Variants in HYDIN observed in about 807,000 individuals in gnomAD.
The protein encoded by HYDIN is axonemal central pair apparatus protein HYDIN.
Under a neutral mutation model 403.9 loss-of-function variants are expected in HYDIN, and 132 were observed. The ratio of observed to expected loss-of-function variants is 0.33; its 90% CI spans 0.28 to 0.38. The LOEUF (loss-of-function observed/expected upper bound fraction) is 0.38, where lower values mean the gene tolerates loss of function less well. HYDIN is among the 10% of genes least tolerant of loss of function. HYDIN has a pLI of 1.00. For missense variants in HYDIN, 2,827 were observed against 5,009.5 expected, an observed-to-expected ratio of 0.56 and a Z score of 13.15; for synonymous variants, 1,202 against 1,891.7, an observed-to-expected ratio of 0.64 and a Z score of 9.46.
intron 58 of HYDIN, among the ~76,000 whole-genome samples, chr16:70,887,842 C>G (rs1306446668): frequency 6.6e-6 from 1 of 151,650 alleles, no homozygotes; most frequent in African/African-American, 2.4e-5. Flanking sequence ...TGCCACCATG[C>G]CTGGCTATTT....
At chr16:71,093,055 C>T (rs1205977634) in intron 11 of HYDIN, among the ~76,000 whole-genome samples, 1 of 149,788 alleles carries the variant, frequency 6.7e-6, no homozygotes, top group Non-Finnish European at 1.5e-5. Flanking sequence ...CATAGACATG[C>T]ACACACAATA....
At chr16:71,012,312 C>A (rs2080114576) in intron 23 of HYDIN, among the ~76,000 whole-genome samples, 1 of 152,374 alleles carries the variant, frequency 6.6e-6, no homozygotes, top group Admixed American at 6.5e-5. Context: ...CCAGCTTTCT[C>A]ATTACATGCA....
chr16:71,222,500 G>C (rs1046195872), intron 1 of HYDIN, among the ~76,000 whole-genome samples: 1 of 151,846 alleles, frequency 6.6e-6, no homozygotes, highest in Non-Finnish European at 1.5e-5. Flanking sequence ...ACCAGCAAGA[G>C]AAAAAAATAA....
intron 54 of HYDIN, 63 bp downstream of exon 54, chr16:70,895,918 C>G: frequency 6.6e-7 from 1 of 1,507,244 alleles, no homozygotes; most frequent in East Asian, 2.3e-5. Flanking sequence ...TTTCTCTACA[C>G]AGAAATACAC....
At chr16:71,031,193 C>A (rs1472163573) in intron 19 of HYDIN, among the ~76,000 whole-genome samples, 1 of 132,322 alleles carries the variant, frequency 7.6e-6, no homozygotes, top group Admixed American at 7.6e-5. Flanking sequence ...GAGCAAGACT[C>A]CATCTCAAAA....
At chr16:70,809,048 G>A (rs1470016305) in intron 85 of HYDIN, among the ~76,000 whole-genome samples, 2 of 152,170 alleles carry the variant, frequency 1.3e-5, no homozygotes, top group Non-Finnish European at 2.9e-5. Context: ...CACCTAATTT[G>A]CTGTTATTTG....
At chr16:71,207,808 G>A (rs1228217053) in intron 1 of HYDIN, among the ~76,000 whole-genome samples, 2 of 151,758 alleles carry the variant, frequency 1.3e-5, no homozygotes, top group Non-Finnish European at 1.5e-5. Flanking sequence ...AACCAACAAA[G>A]ATCAAAAAGG....
intron 65 of HYDIN, among the ~76,000 whole-genome samples, chr16:70,870,689 A>G (rs58127196): frequency 6.6e-6 from 1 of 151,944 alleles, no homozygotes; most frequent in African/African-American, 2.4e-5. Context: ...AGATTACCCT[A>G]TTATATTATA....
chr16:70,956,131 CA>C (rs1386288633), intron 39 of HYDIN, among the ~76,000 whole-genome samples: 1 of 152,102 alleles, frequency 6.6e-6, no homozygotes, highest in Non-Finnish European at 1.5e-5. Context: ...GTTTAAGAAA[CA>C]GGTTCTATCA....
At chr16:70,891,459 G>A (rs1022968830) in intron 57 of HYDIN, among the ~76,000 whole-genome samples, 187 bp downstream of exon 57, 1 of 152,268 alleles carries the variant, frequency 6.6e-6, no homozygotes, top group African/African-American at 2.4e-5. Context: ...AAAGCGCTGC[G>A]ATTACAGGTG....
chr16:71,110,312 T>C (rs547888729), intron 10 of HYDIN, among the ~76,000 whole-genome samples: 1 of 141,554 alleles, frequency 7.1e-6, no homozygotes, highest in Non-Finnish European at 1.5e-5. Context: ...AATAAATATA[T>C]AAAAATTTAT....
rs2076597830 is a variant in HYDIN, at chr16:70,908,451, A to G, written c.8214-17T>C. 1.1e-6 allele frequency: 1 copy of G among 921,264 alleles called. No homozygotes were observed. The highest frequency in any genetic ancestry group is 1.6e-6 in the Non-Finnish European group (1 of 615,454). 57.1% of individuals were successfully genotyped at this position (921,264 alleles called of 1,614,324 possible). ...TGATTCAGTCTGCAAATGACCACACAGGTTTATAAAGTGAGAGTGCTCCCC... is the reference window on the plus strand; with the variant it reads ...TGATTCAGTCTGCAAATGACCACACGGGTTTATAAAGTGAGAGTGCTCCCC... On this transcript the variant is annotated splice_polypyrimidine_tract_variant and intron_variant, in intron 48 of 85. Transcript: ENST00000393567.
intron 20 of HYDIN, 106 bp downstream of exon 20, chr16:71,027,496 A>G: frequency 6.5e-7 from 1 of 1,542,658 alleles, no homozygotes; most frequent in Non-Finnish European, 8.7e-7. Flanking sequence ...TCCTTGAGAA[A>G]CCATATCCTT....
At chr16:71,224,378 T>C (rs4788536) in intron 1 of HYDIN, among the ~76,000 whole-genome samples, 52,660 of 151,898 alleles carry the variant, frequency 0.35, 9,586 homozygotes, top group East Asian at 0.57. Context: ...AATCTCAGAA[T>C]TCACCACTAA....
chr16:71,010,678 G>C lies in HYDIN; in HGVS notation c.3644+7451C>G, dbSNP rs574728503. 4.6e-5 allele frequency among the ~76,000 whole-genome samples: 7 copies of C among 152,322 alleles called. No homozygotes were observed. The East Asian group carries it at 1.4e-3, about 29-fold the overall frequency. On this transcript the variant is annotated intron_variant, in intron 23 of 85. Coordinates refer to ENST00000393567, the MANE Select transcript of HYDIN (RefSeq NM_001270974.2). ...AGGTGGCTGAGCCAAAGTCTGACTCGGACACCAGCACCCTGAGCTACCCAG... is the reference window on the plus strand; with the variant it reads ...AGGTGGCTGAGCCAAAGTCTGACTCCGACACCAGCACCCTGAGCTACCCAG...
chr16:70,879,613 G>C lies in HYDIN; in HGVS notation c.10359C>G (p.Gly3453=). 1 of 1,613,340 alleles carries C rather than the reference G, an allele frequency of 6.2e-7. No homozygotes were observed. The highest frequency in any genetic ancestry group is 8.5e-7 in the Non-Finnish European group (1 of 1,179,954). ...YQCIFEATLD[G]LPSTLAKSRG... ...GAGCTGGGAGTTGGTACCTGGGCAAGCCATCCAAGGTAGCCTCAAAGATGC... is the reference window on the plus strand; with the variant it reads ...GAGCTGGGAGTTGGTACCTGGGCAACCCATCCAAGGTAGCCTCAAAGATGC... Residue 3453 remains glycine (G), a synonymous_variant, in exon 61 of 86, where the codon GGC becomes GGG. Transcript: ENST00000393567.
chr16:71,066,476 A>AT (rs2082271366), intron 15 of HYDIN: 1 of 160,688 alleles, frequency 6.2e-6, no homozygotes, highest in African/African-American at 2.4e-5. Flanking sequence ...AATTCCAGAG[A>AT]TTGACATATT....
At chr16:70,988,861 C>T (rs375972242) in intron 25 of HYDIN, among the ~76,000 whole-genome samples, 1 of 147,384 alleles carries the variant, frequency 6.8e-6, no homozygotes, top group Admixed American at 6.8e-5. Flanking sequence ...ATTACATATG[C>T]CTCATGTGTC....
intron 18 of HYDIN, among the ~76,000 whole-genome samples, chr16:71,033,774 C>T (rs1483214268): frequency 1.3e-5 from 2 of 151,976 alleles, no homozygotes; most frequent in Non-Finnish European, 2.9e-5. Context: ...GCACAAGTAC[C>T]CTAGAACTTA....
Sources: allele counts gnomAD v4.1 joint callset (sites outside exome capture counted in the v4.1 genomes callset), GRCh38; gene constraint gnomAD v4.1.1; transcripts MANE v1.5; gene names NCBI Gene and HGNC (gene_info 2026-07-23, HGNC 2026-07-21).